The following SCYGR1 variants were observed in gnomAD, a reference collection of about 807,000 sequenced individuals.
SCYGR1 encodes the protein small cysteine and glycine repeat-containing protein 1.
At chr2:227,387,687 C>CA in the SCYGR1 span, 2 of 398,878 alleles carry the variant, frequency 5.0e-6, no homozygotes, top group Admixed American at 4.4e-5. Context: ...TCCCTCCTAG[C>CA]AACAGCATTG....
exon 1 of SCYGR1, chr2:227,387,905 G>A (rs758194799): frequency 3.8e-5 from 15 of 394,212 alleles, no homozygotes; most frequent in Middle Eastern, 6.1e-4. Context: ...AGCCACCACC[G>A]CAGCCACCAC....
chr2:227,387,917 G>GCCACCACTGCAGCCACCACAA (rs1559142810), exon 1 of SCYGR1: 2 of 397,610 alleles, frequency 5.0e-6, no homozygotes, highest in Non-Finnish European at 8.8e-6. Flanking sequence ...AGCCACCACA[G>GCCACCACTGCAGCCACCACAA]CCACCACAAC....
chr2:227,387,884 GCCA>G (rs1417591015), exon 1 of SCYGR1: 52 of 370,086 alleles, frequency 1.4e-4, no homozygotes, highest in Non-Finnish European at 2.1e-4. Flanking sequence ...ATCTGCCACA[GCCA>G]CCACCACAGC....
rs935663589 is a variant in SCYGR1 at position 227,387,810 on chromosome 2, C to G, written c.140G>C (p.Cys47Ser). 1.0e-5 allele frequency: 4 copies of G among 399,502 alleles called. No individual in the cohort carries two copies. In the Admixed American group the frequency reaches 1.3e-4, roughly 13 times the overall value. 24.7% of individuals were successfully genotyped at this position (399,502 alleles called of 1,614,324 possible). A position where few individuals can be genotyped will look rare whatever the true frequency, so the allele number is the denominator to read the frequency against. The change falls in exon 1 of 1, where the codon TGC (cysteine) becomes TCC (serine). Residue 47 changes from cysteine (C) to serine (S), a missense_variant. Cys to Ser is a moderately radical substitution (Grantham distance 112, BLOSUM62 -1). Coordinates refer to ENST00000641359, the Ensembl canonical transcript of SCYGR1. ...GGGAGTGCTGCAGCAGCCTCCACAG[C>G]AGCCACGGCAGCAGGGGCAGCAGCT...
At chr2:227,387,887 A>ACCACCAGAG (rs1553529850) in exon 1 of SCYGR1, 3 of 399,802 alleles carry the variant, frequency 7.5e-6, no homozygotes, top group Non-Finnish European at 1.3e-5. Context: ...TGCCACAGCC[A>ACCACCAGAG]CCACCACAGC....
chr2:227,387,694 A>G lies in SCYGR1; in HGVS notation c.256T>C (p.Cys86Arg), dbSNP rs2076507979. The G allele has an allele frequency of 3.3e-5, 13 of 398,992 alleles. No homozygotes were observed. In the East Asian group the frequency reaches 4.6e-4, roughly 14 times the overall value. 24.7% of individuals were successfully genotyped at this position (398,992 alleles called of 1,614,324 possible). A position where few individuals can be genotyped will look rare whatever the true frequency, so the allele number is the denominator to read the frequency against. The stretch of plus-strand genomic sequence containing the variant: ...GGCTGGGGTCCCTCCTAGCAACAGC[A>G]TTGCTTCTGGCAGCAGCACTTCTGC... Residue 86 changes from cysteine to arginine, a missense_variant, in exon 1 of 1, where the codon TGC (cysteine) becomes CGC (arginine). By Grantham distance (180) the Cys-to-Arg change is radical. Transcript: ENST00000641359.
chr2:227,387,801 C>A (rs908923369), exon 1 of SCYGR1: 21 of 399,352 alleles, frequency 5.3e-5, no homozygotes, highest in African/African-American at 3.9e-4. Context: ...GCTGCAGCAG[C>A]CTCCACAGCA....
chr2:227,387,769 G>A (rs538813046), exon 1 of SCYGR1: 39 of 398,970 alleles, frequency 9.8e-5, no homozygotes, highest in Admixed American at 4.8e-4. Flanking sequence ...CAGGTGCGGC[G>A]GCAGCAGCAG....
exon 1 of SCYGR1, chr2:227,387,745 A>G: frequency 2.5e-6 from 1 of 399,092 alleles, no homozygotes; most frequent in Non-Finnish European, 4.4e-6. Flanking sequence ...CCACAGCTGT[A>G]GCCACACGAG....
exon 1 of SCYGR1, chr2:227,387,904 C>T (rs372337888): frequency 2.5e-5 from 8 of 325,682 alleles, no homozygotes; most frequent in Admixed American, 6.1e-5. Context: ...CAGCCACCAC[C>T]GCAGCCACCA....
chr2:227,387,932 A>G (rs1318209148), exon 1 of SCYGR1: 1 of 402,338 alleles, frequency 2.5e-6, no homozygotes, highest in Non-Finnish European at 4.4e-6. Flanking sequence ...CACAACCTCC[A>G]CAACCACAGC....
In SCYGR1 at chr2:227,387,902, ACCG is replaced by A. The variant is rs145942371; in HGVS notation, c.45_47del (p.Gly18del). 499 of 395,612 alleles carry A rather than the reference ACCG, an allele frequency of 1.3e-3. 3 individuals carry two copies. The highest frequency in any genetic ancestry group is 9.3e-3 in the African/African-American group (428 of 46,154). The allele number at this position is 395,612 out of a possible 1,614,324, so 24.5% of individuals were successfully genotyped here. A position where few individuals can be genotyped will look rare whatever the true frequency, so the allele number is the denominator to read the frequency against. On this transcript the variant is annotated inframe_deletion, in exon 1 of 1. Transcript: ENST00000641359. ...TGCCACAGCCACCACCACAGCCACC[ACCG>A]CAGCCACCACAGCCACCACAACCTC...
In SCYGR1 at chr2:227,387,689, A is replaced by G. The variant is rs116546850; in HGVS notation, c.261T>C (p.Cys87=). 2,007 of 396,310 alleles carry G rather than the reference A, an allele frequency of 5.1e-3. 12 individuals are homozygous for G. The highest frequency in any genetic ancestry group is 0.016 in the African/African-American group (790 of 48,444). 24.5% of individuals were successfully genotyped at this position (396,310 alleles called of 1,614,324 possible). ...CCAGAGGCTGGGGTCCCTCCTAGCA[A>G]CAGCATTGCTTCTGGCAGCAGCACT... The change falls in exon 1 of 1, where the codon TGT becomes TGC. Residue 87 remains cysteine (C), a synonymous_variant. Transcript: ENST00000641359.
At chr2:227,387,907 A>AGCCACCACAGCG (rs1299490214) in exon 1 of SCYGR1, 31,821 of 338,536 alleles carry the variant, frequency 0.094, 1,513 homozygotes, top group Admixed American at 0.15. Flanking sequence ...CCACCACCGC[A>AGCCACCACAGCG]GCCACCACAG....
In SCYGR1 at chr2:227,387,873, C is replaced by T. The variant is rs573152453; in HGVS notation, c.77G>A (p.Cys26Tyr). 175 of 402,142 alleles carry T rather than the reference C, an allele frequency of 4.4e-4. 2 individuals carry two copies. The South Asian group carries it at 8.6e-3, about 20-fold the overall frequency. 24.9% of individuals were successfully genotyped at this position (402,142 alleles called of 1,614,324 possible). The change falls in exon 1 of 1, where the codon TGC (cysteine) becomes TAC (tyrosine). Residue 26 changes from cysteine to tyrosine, a missense_variant. Coordinates refer to ENST00000641359, the Ensembl canonical transcript of SCYGR1. ...CACCCGGTAGCACCTGCAGGTGGTG[C>T]ATCTGCCACAGCCACCACCACAGCC...
exon 1 of SCYGR1, chr2:227,387,875 T>A: frequency 2.8e-6 from 1 of 362,558 alleles, no homozygotes; most frequent in Non-Finnish European, 4.9e-6. Flanking sequence ...AGGTGGTGCA[T>A]CTGCCACAGC....
At chr2:227,387,757 T>C (rs879234865) in exon 1 of SCYGR1, 32 of 395,598 alleles carry the variant, frequency 8.1e-5, no homozygotes, top group Admixed American at 5.9e-4. Flanking sequence ...CCACACGAGC[T>C]GCAGGTGCGG....
chr2:227,387,850 C>T, exon 1 of SCYGR1: 1 of 399,184 alleles, frequency 2.5e-6, no homozygotes, highest in Non-Finnish European at 4.4e-6. Context: ...CAGCAGCCCA[C>T]CCGGTAGCAC....
exon 1 of SCYGR1, chr2:227,387,744 T>C (rs2076508159): frequency 1.5e-5 from 6 of 399,058 alleles, no homozygotes; most frequent in Admixed American, 4.4e-5. Flanking sequence ...CCCACAGCTG[T>C]AGCCACACGA....
Sources: allele counts gnomAD v4.1 joint callset, GRCh38; gene constraint gnomAD v4.1.1; transcripts MANE v1.5; gene names NCBI Gene and HGNC (gene_info 2026-07-23, HGNC 2026-07-21).